The following SCN2A variants were observed in gnomAD, a reference collection of about 807,000 sequenced individuals.
SCN2A encodes sodium voltage-gated channel alpha subunit 2.
A neutral mutation model predicts 188.7 loss-of-function variants in SCN2A; 20 were observed. That is an observed-to-expected ratio of 0.11 (90% CI 0.07 to 0.15). The LOEUF is 0.15. Ranked by LOEUF, SCN2A falls within the 10% of genes least tolerant of loss-of-function variation. The probability of loss-of-function intolerance (pLI) is 1.00; values close to 1 mark genes in which losing one functional copy is unlikely to be tolerated. For missense variants in SCN2A, 1,278 were observed against 2,445.0 expected (o/e 0.52, Z 10.07); for synonymous variants, 804 against 833.1 (o/e 0.97, Z 0.60).
intron 1 of SCN2A, chr2:165,272,642 G>C (rs1695152993): frequency 1.3e-5 from 2 of 151,950 alleles, no homozygotes; most frequent in Non-Finnish European, 2.9e-5. Flanking sequence ...ATTTCAAAGA[G>C]TATTTGACTA....
At position 165,377,578 on chromosome 2, in the gene SCN2A, G is replaced by C; in HGVS notation, c.4255-19G>C. ...TTATAATTTTGGGAAAAAAGAAAAT[G>C]ATATGACTTTTCTTACAGGCCACGT... On this transcript the variant is annotated intron_variant, in intron 22 of 26. Coordinates refer to ENST00000375437, the MANE Select transcript of SCN2A (RefSeq NM_001040142.2). 6.3e-7 allele frequency: 1 copy of C among 1,593,118 alleles called. No homozygotes were observed.
chr2:165,279,479 T>C (rs1202137150), intron 1 of SCN2A, among the ~76,000 whole-genome samples: 1 of 152,150 alleles, frequency 6.6e-6, no homozygotes, highest in Non-Finnish European at 1.5e-5. Flanking sequence ...GGATAACATA[T>C]TTGAACTTTT....
At chr2:165,345,027 A>G (rs1218053548) in intron 16 of SCN2A, 116 bp downstream of exon 16, 3 of 1,290,656 alleles carry the variant, frequency 2.3e-6, no homozygotes, top group Non-Finnish European at 3.3e-6. Flanking sequence ...CCTATTGTCT[A>G]TTACTCATGA....
At chr2:165,363,414 T>G (rs1559389871) in intron 17 of SCN2A, among the ~76,000 whole-genome samples, 1 of 152,184 alleles carries the variant, frequency 6.6e-6, no homozygotes, top group African/African-American at 2.4e-5. Flanking sequence ...TGTACTTCCA[T>G]CAGATGTGAC....
intron 1 of SCN2A, among the ~76,000 whole-genome samples, chr2:165,291,551 TCCTTCCTTCCTTCCTTCCTTCCTTTCTC>T (rs1696190863): frequency 8.6e-6 from 1 of 115,996 alleles, no homozygotes; most frequent in Non-Finnish European, 1.8e-5. Flanking sequence ...CTTCCTTCCT[TCCTTCCTTCCTTCCTTCCTTCCTTTCTC>T]TCTCTCTCTC....
Position 165,359,458 on chromosome 2 carries a change from T to C in SCN2A, c.3399+4787T>C, listed in dbSNP as rs866376422. 2.6e-5 allele frequency among the ~76,000 whole-genome samples: 4 copies of C among 152,020 alleles called. No individual in the cohort carries two copies. In the Middle Eastern group the frequency reaches 0.01, roughly 388 times the overall value. On this transcript the variant is annotated intron_variant, in intron 17 of 26. Transcript: ENST00000375437. ...ACGTATCTAGGGGATTCAGCTGGAG[T>C]AAAGGTGGTAGAATAGAAGCTAAGA...
chr2:165,385,603 T>C (rs533706446), intron 25 of SCN2A, among the ~76,000 whole-genome samples: 1 of 152,310 alleles, frequency 6.6e-6, no homozygotes, highest in South Asian at 2.1e-4. Context: ...TATGCAACCA[T>C]AGATCAGTTC....
intron 13 of SCN2A, among the ~76,000 whole-genome samples, chr2:165,329,337 G>T (rs184218517): frequency 1.6e-3 from 249 of 152,220 alleles, no homozygotes; most frequent in Non-Finnish European, 3.1e-3. Context: ...AGTTAGAAGC[G>T]CCTGAAGAAT....
intron 22 of SCN2A, 58 bp from the exon 23 acceptor site, chr2:165,377,539 T>C (rs1157245650): frequency 7.1e-7 from 1 of 1,410,192 alleles, no homozygotes; most frequent in Non-Finnish European, 9.9e-7. Flanking sequence ...AATTATTCAA[T>C]TTATTTTCTA....
chr2:165,275,009 C>A (rs1695274108), intron 1 of SCN2A, among the ~76,000 whole-genome samples: 1 of 152,204 alleles, frequency 6.6e-6, no homozygotes, highest in Non-Finnish European at 1.5e-5. Context: ...GGTGAAACTG[C>A]TGTGAAACCA....
At chr2:165,288,742 G>A (rs1400164669) in intron 1 of SCN2A, among the ~76,000 whole-genome samples, 1 of 151,842 alleles carries the variant, frequency 6.6e-6, no homozygotes, top group Non-Finnish European at 1.5e-5. Flanking sequence ...ATGTGTGTGT[G>A]TGTGTGTGTG....
intron 25 of SCN2A, among the ~76,000 whole-genome samples, chr2:165,385,175 G>A (rs535575395): frequency 1.8e-4 from 27 of 152,178 alleles, no homozygotes; most frequent in Middle Eastern, 3.4e-3. Flanking sequence ...AATAGAAAGA[G>A]GGCAGAACAC....
At chr2:165,310,227 A>T in intron 6 of SCN2A, 96 bp from the exon 7 acceptor site, 2 of 1,298,732 alleles carry the variant, frequency 1.5e-6, no homozygotes, top group Non-Finnish European at 2.2e-6. Context: ...ATTCTGCATG[A>T]CATTTTTATT....
intron 23 of SCN2A, among the ~76,000 whole-genome samples, chr2:165,378,658 A>C (rs1701440585): frequency 1.3e-5 from 2 of 151,782 alleles, no homozygotes; most frequent in Admixed American, 1.3e-4. Flanking sequence ...AGTGGTTCTT[A>C]CCTTTTTGAT....
intron 3 of SCN2A, among the ~76,000 whole-genome samples, chr2:165,303,270 G>GTTTTTTTTT (rs71028477): frequency 0.016 from 1,423 of 91,150 alleles, 91 homozygotes; most frequent in East Asian, 0.035. Context: ...TGTTATTTGA[G>GTTTTTTTTT]TTTTTTTTTT....
chr2:165,355,160 G>A (rs1700117547), intron 17 of SCN2A, among the ~76,000 whole-genome samples: 1 of 152,130 alleles, frequency 6.6e-6, no homozygotes, highest in Admixed American at 6.6e-5. Flanking sequence ...GATCTGATTG[G>A]GATCTTGGCT....
intron 17 of SCN2A, among the ~76,000 whole-genome samples, chr2:165,361,462 T>C (rs562155757): frequency 3.3e-5 from 5 of 152,178 alleles, no homozygotes; most frequent in African/African-American, 1.2e-4. Flanking sequence ...TTAGAGAAGC[T>C]TGGCAGAATG....
chr2:165,352,741 G>A (rs926209322), intron 16 of SCN2A, among the ~76,000 whole-genome samples: 2 of 152,116 alleles, frequency 1.3e-5, no homozygotes, highest in Non-Finnish European at 2.9e-5. Context: ...CTATGTGTAT[G>A]TGTATGAAAC....
At chr2:165,352,009 G>A (rs1019286659) in intron 16 of SCN2A, among the ~76,000 whole-genome samples, 12 of 151,996 alleles carry the variant, frequency 7.9e-5, no homozygotes, top group African/African-American at 2.9e-4. Flanking sequence ...TATTTGTCCA[G>A]TACAGAGGCA....
Sources: allele counts gnomAD v4.1 joint callset (sites outside exome capture counted in the v4.1 genomes callset), GRCh38; gene constraint gnomAD v4.1.1; transcripts MANE v1.5; gene names NCBI Gene and HGNC (gene_info 2026-07-23, HGNC 2026-07-21).